The following SEMA3A variants were observed in gnomAD, a reference collection of about 807,000 sequenced individuals.
The protein encoded by SEMA3A is semaphorin 3A.
SEMA3A carries 29 observed loss-of-function variants against 97.9 expected under a neutral mutation model. The ratio of observed to expected loss-of-function variants is 0.30; its 90% confidence interval spans 0.22 to 0.40. The LOEUF (loss-of-function observed/expected upper bound fraction) is 0.40. Ranked by LOEUF, SEMA3A falls within the 10% of genes least tolerant of loss-of-function variation. The pLI is 1.00. For missense variants in SEMA3A, 763 were observed against 951.3 expected (o/e 0.80, Z 2.60); for synonymous variants, 321 against 323.7 (o/e 0.99, Z 0.09).
chr7:84,086,558 T>TATTATATTTACATATAA (rs1562770335), intron 4 of SEMA3A, among the ~76,000 whole-genome samples: 8 of 47,900 alleles, frequency 1.7e-4, no homozygotes, highest in African/African-American at 3.5e-4. Context: ...ATATAATATA[T>TATTATATTTACATATAA]TATTATATTA....
chr7:84,289,063 C>A (rs1334225470), intron 3 of SEMA3A, among the ~76,000 whole-genome samples: 1 of 152,058 alleles, frequency 6.6e-6, no homozygotes, highest in Non-Finnish European at 1.5e-5. Flanking sequence ...TTCTCATTTG[C>A]AGCAACTTGG....
intron 3 of SEMA3A, among the ~76,000 whole-genome samples, chr7:84,119,204 A>T (rs1224547445): frequency 2.0e-5 from 3 of 152,228 alleles, no homozygotes; most frequent in African/African-American, 4.8e-5. Context: ...ATACATATGG[A>T]ATAAACACAT....
chr7:84,083,870 G>A (rs1377467006), intron 4 of SEMA3A, among the ~76,000 whole-genome samples: 1 of 151,836 alleles, frequency 6.6e-6, no homozygotes, highest in African/African-American at 2.4e-5. Context: ...AAATAATTTG[G>A]CTCTTTCCGT....
chr7:84,286,470 A>G (rs757820096), intron 3 of SEMA3A, among the ~76,000 whole-genome samples: 2 of 152,200 alleles, frequency 1.3e-5, no homozygotes, highest in Admixed American at 1.3e-4. Flanking sequence ...AAATATAAAT[A>G]TGAGTCTCTA....
chr7:84,137,001 G>GAAGGAAGGAAGA (rs1796149906), intron 1 of SEMA3A, among the ~76,000 whole-genome samples: 1 of 142,924 alleles, frequency 7.0e-6, no homozygotes, highest in African/African-American at 2.6e-5. Context: ...AGGAAGGAAG[G>GAAGGAAGGAAGA]AAGGAAAAGA....
chr7:84,429,551 G>GTATATATATATATATATATATATAT (rs1562945161), intron 1 of SEMA3A, among the ~76,000 whole-genome samples: 1 of 52,624 alleles, frequency 1.9e-5, no homozygotes, highest in Non-Finnish European at 3.2e-5. Context: ...TATATATAGC[G>GTATATATATATATATATATATATAT]AGAGAGAGAG....
At chr7:84,226,358 CA>C (rs1798990408) in intron 3 of SEMA3A, among the ~76,000 whole-genome samples, 1 of 151,762 alleles carries the variant, frequency 6.6e-6, no homozygotes, top group Non-Finnish European at 1.5e-5. Context: ...TAAAGCTTTA[CA>C]AAAACTAAAA....
intron 1 of SEMA3A, among the ~76,000 whole-genome samples, chr7:84,136,081 C>T (rs1796115663): frequency 6.6e-6 from 1 of 152,064 alleles, no homozygotes; most frequent in South Asian, 2.1e-4. Context: ...ACACACCCCA[C>T]CCCCATGGGA....
chr7:84,235,566 C>T (rs868176550), intron 3 of SEMA3A, among the ~76,000 whole-genome samples: 1 of 151,914 alleles, frequency 6.6e-6, no homozygotes, highest in Non-Finnish European at 1.5e-5. Context: ...AAAAATGATA[C>T]AGTAAACGCT....
chr7:84,299,194 G>A lies in SEMA3A; in HGVS notation c.-83+8013C>T, dbSNP rs190646085. 2.8e-3 allele frequency among the ~76,000 whole-genome samples: 417 copies of A among 151,304 alleles called. 2 individuals are homozygous for A. The highest frequency in any genetic ancestry group is 9.8e-3 in the African/African-American group (405 of 41,198). ...GGGGCTTTACCTTGTGATCCTGTGA[G>A]TCAATTCTTTTTAATAAACTCCCTT... On this transcript the variant is annotated intron_variant, in intron 3 of 3. Coordinates refer to the SEMA3A transcript ENST00000424555.
At chr7:84,265,008 A>G (rs1452952167) in intron 3 of SEMA3A, among the ~76,000 whole-genome samples, 3 of 152,126 alleles carry the variant, frequency 2.0e-5, no homozygotes, top group African/African-American at 7.2e-5. Context: ...GGCTCTACCA[A>G]TAGCACTACC....
At chr7:84,214,981 C>A (rs1195413247) in intron 3 of SEMA3A, among the ~76,000 whole-genome samples, 1 of 151,354 alleles carries the variant, frequency 6.6e-6, no homozygotes, top group Admixed American at 6.6e-5. Flanking sequence ...GGATTATAGG[C>A]GTGAGCTACC....
intron 1 of SEMA3A, among the ~76,000 whole-genome samples, chr7:84,478,600 T>C (rs1806363398): frequency 6.6e-6 from 1 of 151,984 alleles, no homozygotes; most frequent in African/African-American, 2.4e-5. Flanking sequence ...AGAGAAAATA[T>C]AGATTTTATA....
intron 6 of SEMA3A, among the ~76,000 whole-genome samples, chr7:84,046,032 T>C (rs1792336106): frequency 1.3e-5 from 2 of 151,642 alleles, no homozygotes; most frequent in Non-Finnish European, 2.9e-5. Context: ...AATTGGTAAG[T>C]CATCTTATCT....
chr7:84,351,507 A>G (rs1449383149), intron 2 of SEMA3A, among the ~76,000 whole-genome samples: 1 of 152,110 alleles, frequency 6.6e-6, no homozygotes, highest in East Asian at 1.9e-4. Context: ...TAAGGAGCTT[A>G]AAACATTCAA....
intron 2 of SEMA3A, among the ~76,000 whole-genome samples, chr7:84,362,798 TA>T (rs1562920123): frequency 6.6e-6 from 1 of 151,950 alleles, no homozygotes; most frequent in African/African-American, 2.4e-5. Flanking sequence ...GATAAAAATG[TA>T]ATTCAAATAA....
intron 12 of SEMA3A, among the ~76,000 whole-genome samples, chr7:83,992,242 A>T (rs1050955276): frequency 2.0e-5 from 3 of 149,634 alleles, no homozygotes; most frequent in African/African-American, 7.5e-5. Context: ...GCGGTCTATC[A>T]ATTTTGTTGA....
chr7:84,152,088 T>C (rs1246491218), intron 1 of SEMA3A, among the ~76,000 whole-genome samples: 2 of 150,924 alleles, frequency 1.3e-5, no homozygotes, highest in Non-Finnish European at 3.0e-5. Context: ...TTTTACACTG[T>C]TGGTGGGACT....
intron 2 of SEMA3A, among the ~76,000 whole-genome samples, chr7:84,342,038 C>T (rs951984839): frequency 6.6e-6 from 1 of 151,758 alleles, no homozygotes; most frequent in Non-Finnish European, 1.5e-5. Context: ...TTCCTTGTCA[C>T]TAATTTTTTT....
Sources: gnomAD v4.1 joint callset for allele counts (sites outside exome capture counted in the v4.1 genomes callset) on GRCh38, gnomAD v4.1.1 for gene constraint, MANE v1.5 for transcripts, NCBI Gene and HGNC (gene_info 2026-07-23, HGNC 2026-07-21) for gene names.